The following IKZF2 variants were observed in gnomAD, a reference collection of about 807,000 sequenced individuals.
The protein encoded by IKZF2 is IKAROS family zinc finger 2.
Under a neutral mutation model 49.2 loss-of-function variants are expected in IKZF2, and 15 were observed. The observed-to-expected ratio is 0.30, with a 90% CI of 0.20 to 0.47. The LOEUF is 0.47. IKZF2 is among the 20% of genes least tolerant of loss of function. The pLI, the probability that IKZF2 is intolerant of heterozygous loss-of-function variation, is 1.00. For synonymous variants in IKZF2, 227 were observed against 221.4 expected, an observed-to-expected ratio of 1.03 and a Z score of -0.23; for missense variants, 567 against 664.6, an observed-to-expected ratio of 0.85 and a Z score of 1.61.
chr2:213,066,265 G>A (rs1392469854), intron 4 of IKZF2, among the ~76,000 whole-genome samples: 1 of 152,074 alleles, frequency 6.6e-6, no homozygotes, highest in African/African-American at 2.4e-5. Flanking sequence ...CAAGGCTGCT[G>A]GCGGCTCAAC....
chr2:213,148,952 T>C (rs999346157), intron 2 of IKZF2, among the ~76,000 whole-genome samples: 1 of 152,216 alleles, frequency 6.6e-6, no homozygotes, highest in African/African-American at 2.4e-5. Flanking sequence ...ATAGCTCAAA[T>C]GTGTCAGCTT....
At chr2:213,101,106 A>T (rs1047127054) in intron 4 of IKZF2, among the ~76,000 whole-genome samples, 23 of 152,046 alleles carry the variant, frequency 1.5e-4, no homozygotes, top group African/African-American at 5.6e-4. Context: ...TATACCTATG[A>T]GGAAAAATAT....
At chr2:213,073,043 G>C (rs13007271) in intron 4 of IKZF2, among the ~76,000 whole-genome samples, 55,707 of 151,822 alleles carry the variant, frequency 0.37, 12,745 homozygotes, top group East Asian at 0.72. Context: ...TATTGTCTCG[G>C]ATGCAAGAAA....
chr2:213,145,656 T>C (rs940930746), intron 4 of IKZF2, among the ~76,000 whole-genome samples: 2 of 152,046 alleles, frequency 1.3e-5, no homozygotes, highest in African/African-American at 2.4e-5. Context: ...AAAATGGGTA[T>C]CTTCTCCATC....
intron 8 of IKZF2, 33 bp downstream of exon 8, chr2:213,013,758 T>A (rs753601551): frequency 1.3e-5 from 20 of 1,586,414 alleles, no homozygotes; most frequent in Non-Finnish European, 1.6e-5. Flanking sequence ...TAACATCACC[T>A]TGCAAAGAAA....
intron 4 of IKZF2, among the ~76,000 whole-genome samples, chr2:213,088,151 A>C (rs1025189807): frequency 6.6e-6 from 1 of 152,126 alleles, no homozygotes. Flanking sequence ...ATTTCTCCAC[A>C]TCCTCTCCAG....
At position 213,139,962 on chromosome 2, in the gene IKZF2, A is replaced by G. The variant is rs1330488639; in HGVS notation, c.139+7746T>C. Among the ~76,000 whole-genome samples the G allele has an allele frequency of 2.0e-5, 3 of 151,948 alleles. No individual in the cohort carries two copies. In the East Asian group the frequency reaches 5.8e-4, roughly 29 times the overall value. On this transcript the variant is annotated intron_variant, in intron 4 of 8. Coordinates refer to ENST00000434687, the MANE Select transcript of IKZF2 (RefSeq NM_001387220.1). ...AAGCAGTATTACGATCTCACACAAA[A>G]TATCAATTCATTTGGACCCTTGAAG...
chr2:213,032,510 G>A (rs1188629094), intron 6 of IKZF2, among the ~76,000 whole-genome samples: 1 of 152,156 alleles, frequency 6.6e-6, no homozygotes, highest in African/African-American at 2.4e-5. Context: ...GAGGCAGGAG[G>A]ATCACTAAAG....
In IKZF2 at chr2:213,085,715, A is replaced by G. The variant is rs554806622; in HGVS notation, c.140-28616T>C. Among the ~76,000 whole-genome samples, 4 of 152,294 alleles carry G rather than the reference A, an allele frequency of 2.6e-5. No individual in the cohort carries two copies. The East Asian group carries it at 7.7e-4, about 29-fold the overall frequency. The stretch of plus-strand genomic sequence containing the variant: ...TCTGTAGAATGAAGGAGGCAACACG[A>G]TGTTGGGTCAGCCTGCCAGACAATG... On this transcript the variant is annotated intron_variant, in intron 4 of 8. Transcript: ENST00000434687.
chr2:213,087,968 G>A (rs1704848747), intron 4 of IKZF2, among the ~76,000 whole-genome samples: 1 of 152,174 alleles, frequency 6.6e-6, no homozygotes, highest in Non-Finnish European at 1.5e-5. Flanking sequence ...ATAAACACAC[G>A]TGTGCATGTG....
chr2:213,138,341 A>T (rs987874355), intron 4 of IKZF2, among the ~76,000 whole-genome samples: 2 of 152,012 alleles, frequency 1.3e-5, no homozygotes, highest in African/African-American at 4.8e-5. Context: ...AAACTTAGAG[A>T]TCAGCTTTTG....
At chr2:213,009,390 C>T (rs972219179) in intron 8 of IKZF2, among the ~76,000 whole-genome samples, 1 of 152,066 alleles carries the variant, frequency 6.6e-6, no homozygotes, top group Admixed American at 6.6e-5. Flanking sequence ...TTACCAGTTA[C>T]TTTCATAGGT....
chr2:213,024,920 A>G (rs1032888924), intron 6 of IKZF2, among the ~76,000 whole-genome samples: 3 of 152,102 alleles, frequency 2.0e-5, no homozygotes, highest in Non-Finnish European at 2.9e-5. Context: ...TAATTAATAC[A>G]TATAACATAT....
intron 4 of IKZF2, among the ~76,000 whole-genome samples, chr2:213,138,135 G>A (rs1423190603): frequency 6.6e-6 from 1 of 152,080 alleles, no homozygotes; most frequent in East Asian, 1.9e-4. Flanking sequence ...ACTAAAAACA[G>A]TTTAAGTGAT....
At chr2:213,104,604 G>C (rs1380114346) in intron 4 of IKZF2, among the ~76,000 whole-genome samples, 1 of 152,174 alleles carries the variant, frequency 6.6e-6, no homozygotes, top group Non-Finnish European at 1.5e-5. Context: ...CTTCTAGATA[G>C]TACGCAGAGT....
intron 4 of IKZF2, among the ~76,000 whole-genome samples, chr2:213,140,963 T>G (rs73079217): frequency 0.015 from 2,245 of 152,112 alleles, 51 homozygotes; most frequent in African/African-American, 0.052. Flanking sequence ...TCAGTCTATA[T>G]CCATGTGCCT....
At chr2:213,149,148 G>C (rs116737908) in intron 2 of IKZF2, among the ~76,000 whole-genome samples, 4 of 152,038 alleles carry the variant, frequency 2.6e-5, no homozygotes, top group Non-Finnish European at 5.9e-5. Context: ...AGTGCCCAAC[G>C]GTGTCTTGAA....
intron 4 of IKZF2, among the ~76,000 whole-genome samples, chr2:213,063,630 T>C (rs958737088): frequency 2.6e-5 from 4 of 152,028 alleles, no homozygotes; most frequent in Non-Finnish European, 4.4e-5. Context: ...ATATTCTTTT[T>C]TGATACTCAG....
intron 4 of IKZF2, among the ~76,000 whole-genome samples, chr2:213,066,864 A>C (rs146693072): frequency 2.0e-5 from 3 of 152,136 alleles, no homozygotes; most frequent in Non-Finnish European, 4.4e-5. Context: ...ATACCAGATT[A>C]TAACATCTAT....
Sources: allele counts gnomAD v4.1 joint callset (sites outside exome capture counted in the v4.1 genomes callset), GRCh38; gene constraint gnomAD v4.1.1; transcripts MANE v1.5; gene names NCBI Gene and HGNC (gene_info 2026-07-23, HGNC 2026-07-21).